The following ARPC1A variants were observed in gnomAD, a reference collection of about 807,000 sequenced individuals.
The protein encoded by ARPC1A is actin-related protein 2/3 complex subunit 1A.
Under a neutral mutation model 46.9 loss-of-function variants are expected in ARPC1A, and 8 were observed. The ratio of observed to expected loss-of-function variants is 0.17; its 90% CI spans 0.10 to 0.31. The LOEUF is 0.31. Among genes scored for constraint, ARPC1A ranks in the 10% least tolerant of loss-of-function variants. ARPC1A has a pLI of 1.00. For synonymous variants in ARPC1A, 152 were observed against 169.0 expected (o/e 0.90, Z 0.78); for missense variants, 286 against 483.6 (o/e 0.59, Z 3.83).
At chr7:99,346,769 A>G (rs1177951046) in intron 4 of ARPC1A, among the ~76,000 whole-genome samples, 1 of 152,148 alleles carries the variant, frequency 6.6e-6, no homozygotes, top group Non-Finnish European at 1.5e-5. Flanking sequence ...CACGAAGTCA[A>G]GAGTTCGAAA....
chr7:99,343,105 GAGAT>G (rs974169247), intron 3 of ARPC1A, among the ~76,000 whole-genome samples: 2 of 148,190 alleles, frequency 1.3e-5, no homozygotes, highest in Non-Finnish European at 3.0e-5. Flanking sequence ...TTTTTAGAGA[GAGAT>G]CTGTAATAAA....
At chr7:99,339,328 G>T (rs978528763) in intron 3 of ARPC1A, among the ~76,000 whole-genome samples, 1 of 152,026 alleles carries the variant, frequency 6.6e-6, no homozygotes, top group Non-Finnish European at 1.5e-5. Flanking sequence ...CGGGAGGATC[G>T]CTTGAACCCA....
intron 8 of ARPC1A, among the ~76,000 whole-genome samples, chr7:99,363,017 G>T (rs1394266860): frequency 6.6e-6 from 1 of 152,076 alleles, no homozygotes; most frequent in Non-Finnish European, 1.5e-5. Flanking sequence ...GCTTCATCAT[G>T]CCTCTGGTTT....
intron 6 of ARPC1A, among the ~76,000 whole-genome samples, chr7:99,356,090 G>A (rs1793623970): frequency 6.6e-6 from 1 of 152,130 alleles, no homozygotes; most frequent in African/African-American, 2.4e-5. Flanking sequence ...CTTCCCTGGT[G>A]TTCCTTTTCC....
chr7:99,345,819 T>A (rs1307693980), intron 4 of ARPC1A, among the ~76,000 whole-genome samples: 1 of 152,204 alleles, frequency 6.6e-6, no homozygotes, highest in African/African-American at 2.4e-5. Flanking sequence ...GTTATTTGTA[T>A]TCTGCTGAAA....
intron 4 of ARPC1A, among the ~76,000 whole-genome samples, chr7:99,348,417 A>G (rs1177175799): frequency 6.6e-6 from 1 of 152,116 alleles, no homozygotes; most frequent in Non-Finnish European, 1.5e-5. Flanking sequence ...TTAGCAATGC[A>G]CCTTGTCAGC....
intron 2 of ARPC1A, among the ~76,000 whole-genome samples, chr7:99,334,783 G>A (rs976933852): frequency 2.6e-5 from 4 of 152,064 alleles, no homozygotes; most frequent in African/African-American, 9.7e-5. Context: ...CCAGGTTCAA[G>A]TGATTATCAT....
intron 3 of ARPC1A, among the ~76,000 whole-genome samples, chr7:99,343,647 AAAAT>A (rs755518871): frequency 7.2e-5 from 11 of 152,194 alleles, no homozygotes; most frequent in Non-Finnish European, 1.6e-4. Flanking sequence ...TCAAATAAGA[AAAAT>A]AAACCTTACA....
intron 9 of ARPC1A, among the ~76,000 whole-genome samples, chr7:99,365,450 A>G (rs1793819415): frequency 6.6e-6 from 1 of 151,822 alleles, no homozygotes; most frequent in African/African-American, 2.4e-5. Flanking sequence ...AAAAATATAC[A>G]TATATATATT....
At chr7:99,348,268 C>T (rs1015989873) in intron 4 of ARPC1A, among the ~76,000 whole-genome samples, 8 of 152,122 alleles carry the variant, frequency 5.3e-5, no homozygotes, top group African/African-American at 1.9e-4. Context: ...CTATGTAATC[C>T]GAAATCTCAC....
intron 3 of ARPC1A, chr7:99,339,812 A>G (rs1301664806): frequency 3.2e-6 from 1 of 312,668 alleles, no homozygotes; most frequent in Admixed American, 3.5e-5. Flanking sequence ...TGATTTCTGT[A>G]CGTATGTGTG....
intron 8 of ARPC1A, among the ~76,000 whole-genome samples, chr7:99,363,272 A>G (rs1310959789): frequency 6.6e-6 from 1 of 152,174 alleles, no homozygotes; most frequent in Admixed American, 6.6e-5. Context: ...GTTCATAATC[A>G]GGAGTTAAAA....
At chr7:99,358,988 C>T (rs1437149428) in intron 7 of ARPC1A, among the ~76,000 whole-genome samples, 4 of 151,742 alleles carry the variant, frequency 2.6e-5, no homozygotes, top group East Asian at 4.0e-4. Context: ...CCCGCCACCT[C>T]GCCGGGCTAA....
At chr7:99,340,274 C>T (rs1025246092) in intron 3 of ARPC1A, among the ~76,000 whole-genome samples, 7 of 152,120 alleles carry the variant, frequency 4.6e-5, no homozygotes, top group East Asian at 1.9e-4. Context: ...GCAATTCTCC[C>T]GCCTCAGCCT....
chr7:99,353,980 T>C lies in ARPC1A; in HGVS notation c.572T>C (p.Phe191Ser). ...ASTPWGSKMP[F>S]GQLMSEFGGS... ...ACGCCCTGGGGCAGCAAGATGCCTT[T>C]TGGGCAGCTGATGTCAGAGTTTGGT... The change falls in exon 6 of 10, where the codon TTT becomes TCT. Residue 191 changes from phenylalanine (F) to serine (S), a missense_variant. Coordinates refer to ENST00000262942, the MANE Select transcript of ARPC1A (RefSeq NM_006409.4). 6.2e-7 allele frequency: 1 copy of C among 1,614,002 alleles called. No homozygotes were observed. The highest frequency in any genetic ancestry group is 8.5e-7 in the Non-Finnish European group (1 of 1,179,870).
chr7:99,351,964 G>T (rs2150869633), intron 5 of ARPC1A, among the ~76,000 whole-genome samples: 1 of 152,226 alleles, frequency 6.6e-6, no homozygotes, highest in East Asian at 1.9e-4. Context: ...ACCTATAAAG[G>T]ACCTGCCTCC....
At chr7:99,350,631 CTTTTTTTTTTTTTTTTTT>C (rs540737612) in intron 5 of ARPC1A, among the ~76,000 whole-genome samples, 13,501 of 68,400 alleles carry the variant, frequency 0.2, 1,435 homozygotes, top group African/African-American at 0.4. Flanking sequence ...ATGAGGTGCA[CTTTTTTTTTTTTTTTTTT>C]TTTTTTTTTT....
intron 1 of ARPC1A, among the ~76,000 whole-genome samples, chr7:99,331,341 G>A (rs912147461): frequency 2.0e-5 from 3 of 152,050 alleles, no homozygotes; most frequent in Non-Finnish European, 4.4e-5. Context: ...GCTGCAGTGA[G>A]CATAGATTGC....
In ARPC1A at chr7:99,358,276, T is replaced by C; in HGVS notation, c.714-64T>C. Reference sequence around the variant, plus strand: ...TGTGAGAATGGGTCCTTTGTGATCATCTGTGTCTGTAAAGAAGCTAATAGT... The same window carrying C: ...TGTGAGAATGGGTCCTTTGTGATCACCTGTGTCTGTAAAGAAGCTAATAGT... On this transcript the variant is annotated intron_variant, in intron 6 of 9. Transcript: ENST00000262942. 2.0e-6 allele frequency: 3 copies of C among 1,517,148 alleles called. No homozygotes were observed. The South Asian group carries it at 3.4e-5, about 17-fold the overall frequency. 94.0% of individuals were successfully genotyped at this position (1,517,148 alleles called of 1,614,324 possible).
Sources: allele counts gnomAD v4.1 joint callset (sites outside exome capture counted in the v4.1 genomes callset), GRCh38; gene constraint gnomAD v4.1.1; transcripts MANE v1.5; gene names NCBI Gene and HGNC (gene_info 2026-07-23, HGNC 2026-07-21).